TENM4: variants seen among roughly 807,000 people sequenced by gnomAD.
TENM4 encodes the protein teneurin-4.
In TENM4, 82 loss-of-function variants were observed where a neutral mutation model predicts 243.3. The ratio of observed to expected loss-of-function variants is 0.34; its 90% CI spans 0.28 to 0.40. The LOEUF is 0.40. TENM4 is among the 10% of genes least tolerant of loss of function. The pLI, the probability that TENM4 is intolerant of heterozygous loss-of-function variation, is 1.00. For synonymous variants in TENM4, 1,412 were observed against 1,456.3 expected (o/e 0.97, Z 0.69); for missense variants, 3,138 against 3,673.3 (o/e 0.85, Z 3.77).
intron 6 of TENM4, among the ~76,000 whole-genome samples, chr11:78,952,552 G>C (rs1857128687): frequency 6.6e-6 from 1 of 152,198 alleles, no homozygotes; most frequent in South Asian, 2.1e-4. Flanking sequence ...GGAATGTTTT[G>C]GCTAAGAGGA....
chr11:79,253,525 C>A (rs549250379), intron 2 of TENM4, among the ~76,000 whole-genome samples: 13 of 152,286 alleles, frequency 8.5e-5, no homozygotes, highest in Non-Finnish European at 1.5e-4. Context: ...AGGAAGCCCT[C>A]ATCTAAATGG....
chr11:79,063,139 T>C (rs944310284), intron 6 of TENM4, among the ~76,000 whole-genome samples: 11 of 152,172 alleles, frequency 7.2e-5, no homozygotes, highest in African/African-American at 2.7e-4. Context: ...TTTGGAACTC[T>C]GCCACATGGG....
At chr11:79,130,763 C>A (rs750392534) in intron 4 of TENM4, among the ~76,000 whole-genome samples, 6 of 152,118 alleles carry the variant, frequency 3.9e-5, no homozygotes, top group Non-Finnish European at 8.8e-5. Flanking sequence ...GCGGAGCTTG[C>A]AGTGAGCCGA....
rs111519953 is a variant in TENM4 at position 79,329,517 on chromosome 11, C to T, written c.-320-31974G>A. On this transcript the variant is annotated intron_variant, in intron 1 of 33. Transcript: ENST00000278550. The stretch of plus-strand genomic sequence containing the variant: ...GATAGAAAGTGGCTTTGAGCAGGAG[C>T]AGAGGTAAGTAGACAGGAGGACTTG... Among the ~76,000 whole-genome samples the T allele has an allele frequency of 1.8e-3, 279 of 152,268 alleles. 1 individual carries two copies. The highest frequency in any genetic ancestry group is 2.9e-3 in the Non-Finnish European group (195 of 68,028).
chr11:78,669,797 A>C lies in TENM4; in HGVS notation c.6548T>G (p.Val2183Gly). 6.2e-7 allele frequency: 1 copy of C among 1,613,800 alleles called. No homozygotes were observed. The highest frequency in any genetic ancestry group is 2.2e-5 in the East Asian group (1 of 44,864). Reference sequence around the variant, plus strand: ...GCGAGTGGTATTGGCGTAGGGTCCTACCTTCAGCTCCTTCTTCACTACTCG... The same window carrying C: ...GCGAGTGGTATTGGCGTAGGGTCCTCCCTTCAGCTCCTTCTTCACTACTCG... ...MGRVVKKELK[V>G]GPYANTTRYS... Residue 2183 changes from valine (V) to glycine (G), a missense_variant, in exon 32 of 34, where the codon GTA (valine) becomes GGA (glycine). Around this residue, in one of 2 missense-constraint regions of TENM4, gnomAD observed 2,467 missense variants for 3,059.1 expected, o/e 0.81. Coordinates refer to ENST00000278550, the MANE Select transcript of TENM4 (RefSeq NM_001098816.3). The surrounding 1 kb of genome is among the most constrained non-coding windows in gnomAD (Gnocchi z 6.4).
rs1316920244 is a variant in TENM4 at position 79,084,991 on chromosome 11, C to G, written c.-65-14982G>C. Among the ~76,000 whole-genome samples the G allele has an allele frequency of 9.2e-5, 14 of 152,120 alleles. No individual in the cohort carries two copies. In the East Asian group the frequency reaches 2.7e-3, roughly 29 times the overall value. On this transcript the variant is annotated intron_variant, in intron 4 of 33. Coordinates refer to ENST00000278550, the MANE Select transcript of TENM4 (RefSeq NM_001098816.3). ...TGTAAAATGTTACTATTAGGAGAGA[C>G]TGAGTAAAGGGTACACAGGCTATCT...
intron 6 of TENM4, among the ~76,000 whole-genome samples, chr11:78,969,482 T>C (rs891670499): frequency 1.3e-5 from 2 of 152,224 alleles, no homozygotes; most frequent in African/African-American, 4.8e-5. Flanking sequence ...CTTTGGAATA[T>C]ACCACGAGAC....
chr11:78,959,082 G>A (rs2136522931), intron 6 of TENM4, among the ~76,000 whole-genome samples: 1 of 152,318 alleles, frequency 6.6e-6, no homozygotes, highest in African/African-American at 2.4e-5. Flanking sequence ...TGTCTCTAGA[G>A]CAATGGCTAT....
At position 79,162,466 on chromosome 11, in the gene TENM4, A is replaced by ATTATTTATTTAT. The variant is rs148237396; in HGVS notation, c.-162-13672_-162-13661dup. Among the ~76,000 whole-genome samples the ATTATTTATTTAT allele has an allele frequency of 6.2e-3, 942 of 151,070 alleles. 29 individuals carry two copies. The East Asian group carries it at 0.11, about 17-fold the overall frequency. ...ATGATGCTATAAAGTATTTGCTGTT[A>ATTATTTATTTAT]TTATTTATTTATTTATTTATTTATT... On this transcript the variant is annotated intron_variant, in intron 3 of 33. Coordinates refer to ENST00000278550, the MANE Select transcript of TENM4 (RefSeq NM_001098816.3).
intron 6 of TENM4, among the ~76,000 whole-genome samples, chr11:78,953,061 A>T (rs767828202): frequency 2.0e-5 from 3 of 152,298 alleles, no homozygotes; most frequent in Non-Finnish European, 4.4e-5. Context: ...ATGAATTACC[A>T]GTCATTTTCC....
chr11:79,401,157 T>C (rs180682553), intron 1 of TENM4, among the ~76,000 whole-genome samples: 1 of 152,222 alleles, frequency 6.6e-6, no homozygotes, highest in African/African-American at 2.4e-5. Context: ...AGAATTCTGG[T>C]GTCCTTCACC....
At chr11:79,009,442 T>G (rs549249173) in intron 6 of TENM4, among the ~76,000 whole-genome samples, 2 of 152,144 alleles carry the variant, frequency 1.3e-5, no homozygotes, top group Non-Finnish European at 2.9e-5. Context: ...AGACCCTTTA[T>G]GAGCTTGCAG....
At chr11:79,010,934 G>A (rs1858626626) in intron 6 of TENM4, among the ~76,000 whole-genome samples, 1 of 152,282 alleles carries the variant, frequency 6.6e-6, no homozygotes, top group Middle Eastern at 3.4e-3. Flanking sequence ...CTTACTAGCT[G>A]TGGGTCCTGG....
intron 4 of TENM4, among the ~76,000 whole-genome samples, chr11:79,109,880 G>A (rs964549510): frequency 3.9e-5 from 6 of 152,126 alleles, no homozygotes; most frequent in African/African-American, 7.2e-5. Flanking sequence ...TGTGAAATGG[G>A]GCTACCCACA....
intron 28 of TENM4, among the ~76,000 whole-genome samples, chr11:78,699,400 CTG>C (rs1491274733): frequency 6.6e-6 from 1 of 152,194 alleles, no homozygotes; most frequent in Non-Finnish European, 1.5e-5. Context: ...TCTAATCTCT[CTG>C]TACTTCATAT....
At chr11:79,143,946 T>C (rs2135038117) in intron 4 of TENM4, among the ~76,000 whole-genome samples, 1 of 151,854 alleles carries the variant, frequency 6.6e-6, no homozygotes, top group East Asian at 1.9e-4. Flanking sequence ...AATAGATAAA[T>C]TGGATCACAT....
In TENM4 at chr11:78,805,277, T is replaced by TGCCCCCCCCCCCCCCCCC; in HGVS notation, c.2179+14_2179+15insGGGGGGGGGGGGGGGGGC. On this transcript the variant is annotated intron_variant, in intron 15 of 33. Coordinates refer to ENST00000278550, the MANE Select transcript of TENM4 (RefSeq NM_001098816.3). ...CCCCTCCCTCTACCCATGCTTCTTCTCCCCCTGCATTTACCGATAGAACAG... is the reference window on the plus strand; with the variant it reads ...CCCCTCCCTCTACCCATGCTTCTTCTGCCCCCCCCCCCCCCCCCCCCCCTGCATTTACCGATAGAACAG... 5.3e-5 allele frequency: 74 copies of TGCCCCCCCCCCCCCCCCC among 1,402,488 alleles called. No individual in the cohort carries two copies. The highest frequency in any genetic ancestry group is 6.3e-5 in the Non-Finnish European group (65 of 1,033,056). The allele number at this position is 1,402,488 out of a possible 1,614,324, so 86.9% of individuals were successfully genotyped here. A position where few individuals can be genotyped will look rare whatever the true frequency, so the allele number is the denominator to read the frequency against.
At chr11:78,828,413 T>C (rs1208042056) in intron 12 of TENM4, among the ~76,000 whole-genome samples, 2 of 152,262 alleles carry the variant, frequency 1.3e-5, no homozygotes, top group African/African-American at 4.8e-5. Flanking sequence ...CTGTGAATTA[T>C]GTACTTAAAT....
chr11:79,384,417 C>T (rs2135530000), intron 1 of TENM4, among the ~76,000 whole-genome samples: 1 of 152,254 alleles, frequency 6.6e-6, no homozygotes, highest in South Asian at 2.1e-4. Context: ...CAGTCAGGGA[C>T]ACCCACTTCC....
Sources: allele counts gnomAD v4.1 joint callset (sites outside exome capture counted in the v4.1 genomes callset), GRCh38; gene constraint gnomAD v4.1.1; regional missense constraint gnomAD v4.1.1; non-coding constraint Gnocchi (gnomAD v3.1); transcripts MANE v1.5; gene names NCBI Gene and HGNC (gene_info 2026-07-23, HGNC 2026-07-21).